KLRD1: variants seen among roughly 807,000 people sequenced by gnomAD.
KLRD1 encodes natural killer cells antigen CD94.
Under a neutral mutation model 22.6 loss-of-function variants are expected in KLRD1, and 21 were observed. The ratio of observed to expected loss-of-function variants is 0.93; its 90% confidence interval spans 0.66 to 1.34. The LOEUF is 1.34. Among genes scored for constraint, KLRD1 ranks in the 40% most tolerant of loss-of-function variants. The pLI, the probability that KLRD1 is intolerant of heterozygous loss-of-function variation, is 0.00. For synonymous variants in KLRD1, 59 were observed against 71.1 expected (o/e 0.83, Z 0.85); for missense variants, 183 against 208.6 (o/e 0.88, Z 0.76).
In KLRD1 at chr12:10,285,317, C is replaced by G. The variant is rs528067206; in HGVS notation, c.-100-22661C>G. Among the ~76,000 whole-genome samples the G allele has an allele frequency of 1.3e-3, 197 of 152,048 alleles. 1 individual carries two copies. The highest frequency in any genetic ancestry group is 4.5e-3 in the African/African-American group (187 of 41,508). On this transcript the variant is annotated intron_variant, in intron 1 of 5. Transcript: ENST00000544747. ...AAAAATGGGTTCCTTCTTTTAAAAA[C>G]AGTCTGTAAAACCACAGCCAGTCAA...
intron 1 of KLRD1, among the ~76,000 whole-genome samples, chr12:10,239,533 T>TC (rs1565443380): frequency 6.3e-4 from 6 of 9,506 alleles, no homozygotes; most frequent in African/African-American, 8.4e-4. Context: ...CTTTCTTTCT[T>TC]TCTTTCTTTC....
upstream of KLRD1, among the ~76,000 whole-genome samples, chr12:10,302,018 A>G (rs747118068): frequency 3.3e-5 from 5 of 152,194 alleles, no homozygotes; most frequent in Non-Finnish European, 5.9e-5. Context: ...ACCATCTTAT[A>G]TGGGCATGGT....
In KLRD1 at chr12:10,297,927, G is replaced by GT. The variant is rs996824487; in HGVS notation, c.-100-10045dup. On this transcript the variant is annotated intron_variant, in intron 1 of 5. Coordinates refer to the KLRD1 transcript ENST00000544747. ...CTTTTTCTCTGGGTGTTTTTCTTTT[G>GT]TTTTTTCATCACCAAAGGAGTCACT... Among the ~76,000 whole-genome samples the GT allele has an allele frequency of 1.9e-3, 285 of 152,106 alleles. 1 individual carries two copies. The highest frequency in any genetic ancestry group is 6.8e-3 in the African/African-American group (281 of 41,520).
In KLRD1 at chr12:10,317,989, C is replaced by T. The variant is rs1363750814; in HGVS notation, c.*3196C>T. ...TATCATGAGAACAGCAAAGAGGTAA[C>T]TACCCCCATGATTAAATTACCTCCT... On this transcript the variant is annotated 3_prime_UTR_variant, in exon 6 of 6. Coordinates refer to ENST00000336164, the MANE Select transcript of KLRD1 (RefSeq NM_002262.5). The T allele has an allele frequency of 6.6e-6, 1 of 152,186 alleles. No individual in the cohort carries two copies. Among genetic ancestry groups the T allele is most frequent in the Non-Finnish European group, 1.5e-5 (1 of 68,032 alleles). The allele number at this position is 152,186 out of a possible 1,614,324, so 9.4% of individuals were successfully genotyped here. A position where few individuals can be genotyped will look rare whatever the true frequency, so the allele number is the denominator to read the frequency against.
intron 1 of KLRD1, among the ~76,000 whole-genome samples, chr12:10,247,175 A>T (rs780667290): frequency 6.6e-6 from 1 of 151,540 alleles, no homozygotes; most frequent in Admixed American, 6.6e-5. Context: ...TCAGGGGGGA[A>T]TTTCTATTTA....
At chr12:10,272,805 A>G (rs1292125308) in intron 1 of KLRD1, among the ~76,000 whole-genome samples, 1 of 152,214 alleles carries the variant, frequency 6.6e-6, no homozygotes, top group Admixed American at 6.5e-5. Flanking sequence ...TTTTTCTTTT[A>G]TGTATGATGA....
chr12:10,267,006 A>T (rs746637678), intron 1 of KLRD1, among the ~76,000 whole-genome samples: 46 of 151,910 alleles, frequency 3.0e-4, no homozygotes, highest in Non-Finnish European at 5.4e-4. Flanking sequence ...ATATGTATAC[A>T]TGTGCCATGT....
At chr12:10,297,502 C>T (rs1949832564) in intron 1 of KLRD1, among the ~76,000 whole-genome samples, 1 of 151,926 alleles carries the variant, frequency 6.6e-6, no homozygotes, top group South Asian at 2.1e-4. Flanking sequence ...ATATTAAAAA[C>T]TCAATAAAAT....
chr12:10,272,683 GA>G (rs1209919376), intron 1 of KLRD1, among the ~76,000 whole-genome samples: 1 of 152,182 alleles, frequency 6.6e-6, no homozygotes, highest in Non-Finnish European at 1.5e-5. Context: ...CAAGGCAACA[GA>G]AGTCTTAATA....
At chr12:10,258,750 G>A (rs776780007) in intron 1 of KLRD1, among the ~76,000 whole-genome samples, 1 of 152,098 alleles carries the variant, frequency 6.6e-6, no homozygotes, top group Non-Finnish European at 1.5e-5. Flanking sequence ...ACTTGTCACT[G>A]AAAGAAATAG....
intron 1 of KLRD1, among the ~76,000 whole-genome samples, chr12:10,256,170 C>T (rs1949393449): frequency 6.6e-6 from 1 of 151,500 alleles, no homozygotes; most frequent in Non-Finnish European, 1.5e-5. Flanking sequence ...ATATCTTTTC[C>T]ATTCTTTCAT....
chr12:10,329,429 T>C lies in KLRD1; in HGVS notation c.*14636T>C, dbSNP rs1439723931. ...TTCTTTTATGACCTAACATATGATCTATCCTGCAGAATGATCCATGTGCAC... is the reference window on the plus strand; with the variant it reads ...TTCTTTTATGACCTAACATATGATCCATCCTGCAGAATGATCCATGTGCAC... On this transcript the variant is annotated 3_prime_UTR_variant, in exon 6 of 6. Coordinates refer to ENST00000336164, the MANE Select transcript of KLRD1 (RefSeq NM_002262.5). 6.6e-6 allele frequency: 1 copy of C among 152,234 alleles called. No homozygotes were observed. Among genetic ancestry groups the C allele is most frequent in the Non-Finnish European group, 1.5e-5 (1 of 68,038 alleles). The allele number at this position is 152,234 out of a possible 1,614,324, so 9.4% of individuals were successfully genotyped here. A position where few individuals can be genotyped will look rare whatever the true frequency, so the allele number is the denominator to read the frequency against.
chr12:10,278,786 TTTTTGTTTTG>T (rs962924601), intron 1 of KLRD1, among the ~76,000 whole-genome samples: 1 of 152,214 alleles, frequency 6.6e-6, no homozygotes, highest in East Asian at 1.9e-4. Context: ...ATCATGGCTG[TTTTTGTTTTG>T]TTTTGTTTTG....
chr12:10,255,511 CGTATGTTTTG>C (rs1440871532), intron 1 of KLRD1, among the ~76,000 whole-genome samples: 1 of 151,950 alleles, frequency 6.6e-6, no homozygotes, highest in East Asian at 1.9e-4. Context: ...TGTTGCATCC[CGTATGTTTTG>C]GTATGTTGTG....
intron 1 of KLRD1, among the ~76,000 whole-genome samples, chr12:10,244,785 A>G (rs972544169): frequency 8.2e-6 from 1 of 121,558 alleles, no homozygotes; most frequent in African/African-American, 3.0e-5. Flanking sequence ...CTCCGTCTCA[A>G]AAACAAAACA....
rs181892180 is a variant in KLRD1, at chr12:10,251,064, A to G, written c.-101+24831A>G. Among the ~76,000 whole-genome samples the G allele has an allele frequency of 1.4e-3, 209 of 152,284 alleles. 1 individual carries two copies. The highest frequency in any genetic ancestry group is 4.7e-3 in the African/African-American group (196 of 41,530). On this transcript the variant is annotated intron_variant, in intron 1 of 5. Coordinates refer to the KLRD1 transcript ENST00000544747. ...ATATGTTGCCTCACTAGCATTAACT[A>G]CAGATGTTAACATACTAACCTTTCA...
rs942394936 is a variant in KLRD1, at chr12:10,321,894, G to A, written c.*7101G>A. Reference sequence around the variant, plus strand: ...CAACCTCATGAGGGATCCTGAGCTAGAACCACCTAGCACAGTTGCTCTTGA... The same window carrying A: ...CAACCTCATGAGGGATCCTGAGCTAAAACCACCTAGCACAGTTGCTCTTGA... On this transcript the variant is annotated 3_prime_UTR_variant, in exon 6 of 6. Coordinates refer to ENST00000336164, the MANE Select transcript of KLRD1 (RefSeq NM_002262.5). The A allele has an allele frequency of 6.6e-6, 1 of 152,186 alleles. No homozygotes were observed. The highest frequency in any genetic ancestry group is 1.5e-5 in the Non-Finnish European group (1 of 68,042). 9.4% of individuals were successfully genotyped at this position (152,186 alleles called of 1,614,324 possible).
At chr12:10,300,557 T>C (rs1356943626), upstream of KLRD1, among the ~76,000 whole-genome samples, 1 of 152,186 alleles carries the variant, frequency 6.6e-6, no homozygotes, top group Non-Finnish European at 1.5e-5. Context: ...TCAGACAGAA[T>C]AGATATAGCA....
chr12:10,324,818 G>GTGTGTGTGTGTATATATATA lies in KLRD1; in HGVS notation c.*10026_*10027insGTGTGTGTGTATATATATAT, dbSNP rs750696767. On this transcript the variant is annotated 3_prime_UTR_variant, in exon 6 of 6. Coordinates refer to ENST00000336164, the MANE Select transcript of KLRD1 (RefSeq NM_002262.5). The stretch of plus-strand genomic sequence containing the variant: ...AGTATATATGTATATGTGTGTGTGT[G>GTGTGTGTGTGTATATATATA]TATATATATATATATATATATATAT... 1.1e-4 allele frequency: 8 copies of GTGTGTGTGTGTATATATATA among 74,154 alleles called. No individual in the cohort carries two copies. Among genetic ancestry groups the GTGTGTGTGTGTATATATATA allele is most frequent in the South Asian group, 6.8e-4 (1 of 1,466 alleles). The allele number at this position is 74,154 out of a possible 1,614,324, so 4.6% of individuals were successfully genotyped here.
Sources: gnomAD v4.1 joint callset for allele counts (sites outside exome capture counted in the v4.1 genomes callset) on GRCh38, gnomAD v4.1.1 for gene constraint, MANE v1.5 for transcripts, NCBI Gene and HGNC (gene_info 2026-07-23, HGNC 2026-07-21) for gene names.